Variants in EBF1 observed in about 807,000 individuals in gnomAD.
The protein encoded by EBF1 is transcription factor COE1.
EBF1 carries 10 observed loss-of-function variants against 68.4 expected under a neutral mutation model. The observed-to-expected ratio is 0.15, with a 90% CI of 0.09 to 0.25. The LOEUF (loss-of-function observed/expected upper bound fraction) is 0.25. Ranked by LOEUF, EBF1 falls within the 10% of genes least tolerant of loss-of-function variation. EBF1 has a pLI of 1.00. For missense variants in EBF1, 509 were observed against 794.4 expected, an observed-to-expected ratio of 0.64 and a Z score of 4.32; for synonymous variants, 298 against 299.8, an observed-to-expected ratio of 0.99 and a Z score of 0.06.
rs191149176 is a variant in EBF1, at chr5:158,947,028, C to A, written c.555-106918G>T. The stretch of plus-strand genomic sequence containing the variant: ...ACTCAAGCCTCTGTAATGGCAAATG[C>A]CCCTCCCCCCACCAACCTCAAGCAT... On this transcript the variant is annotated intron_variant, in intron 6 of 15. Transcript: ENST00000313708. Among the ~76,000 whole-genome samples, 49 of 152,280 alleles carry A rather than the reference C, an allele frequency of 3.2e-4. 1 individual carries two copies. The East Asian group carries it at 7.5e-3, about 23-fold the overall frequency.
chr5:158,874,630 G>GT (rs1036209449), intron 6 of EBF1, among the ~76,000 whole-genome samples: 4 of 151,942 alleles, frequency 2.6e-5, no homozygotes, highest in Non-Finnish European at 2.9e-5. Context: ...GTGTAGACAG[G>GT]TTTTTTTTAG....
chr5:158,903,572 ATTTC>A (rs1302724843), intron 6 of EBF1, among the ~76,000 whole-genome samples: 2 of 151,758 alleles, frequency 1.3e-5, no homozygotes, highest in Non-Finnish European at 2.9e-5. Flanking sequence ...TGGAAGGTAG[ATTTC>A]TTTATCTGCT....
At chr5:158,999,710 T>C (rs1762141077) in intron 6 of EBF1, among the ~76,000 whole-genome samples, 1 of 152,216 alleles carries the variant, frequency 6.6e-6, no homozygotes, top group Non-Finnish European at 1.5e-5. Context: ...TTTTTTTCTT[T>C]CTTCTTTGAA....
At chr5:158,701,326 G>T (rs1306271206) in intron 15 of EBF1, among the ~76,000 whole-genome samples, 1 of 150,460 alleles carries the variant, frequency 6.6e-6, no homozygotes, top group Non-Finnish European at 1.5e-5. Flanking sequence ...TTTATTAGCT[G>T]GTCTGTGAAA....
intron 6 of EBF1, among the ~76,000 whole-genome samples, chr5:158,850,766 G>T (rs1446492073): frequency 6.6e-6 from 1 of 152,142 alleles, no homozygotes; most frequent in Non-Finnish European, 1.5e-5. Flanking sequence ...CAGCACTTTG[G>T]GAGGCCGAGG....
chr5:158,900,570 T>C (rs1803095061), intron 6 of EBF1, among the ~76,000 whole-genome samples: 1 of 152,232 alleles, frequency 6.6e-6, no homozygotes, highest in Non-Finnish European at 1.5e-5. Flanking sequence ...TGTTTCCCAC[T>C]GACCCCTAAC....
chr5:158,960,813 G>A (rs1818029257), intron 6 of EBF1, among the ~76,000 whole-genome samples: 1 of 152,170 alleles, frequency 6.6e-6, no homozygotes, highest in Non-Finnish European at 1.5e-5. Flanking sequence ...ATGTCATCAG[G>A]ATACCCAATC....
intron 6 of EBF1, among the ~76,000 whole-genome samples, chr5:159,017,685 A>C (rs905924626): frequency 2.0e-5 from 3 of 152,188 alleles, no homozygotes; most frequent in African/African-American, 7.2e-5. Flanking sequence ...GTTACCATGA[A>C]CTCTGAATTT....
chr5:158,823,141 G>A, intron 8 of EBF1, 35 bp downstream of exon 8: 1 of 1,613,534 alleles, frequency 6.2e-7, no homozygotes, highest in African/African-American at 1.3e-5. Flanking sequence ...CACAGTTAAA[G>A]TAGCAATGCC....
rs1220217899 is a variant in EBF1 at position 158,899,793 on chromosome 5, T to G, written c.555-59683A>C. On this transcript the variant is annotated intron_variant, in intron 6 of 15. Coordinates refer to ENST00000313708, the MANE Select transcript of EBF1 (RefSeq NM_024007.5). The stretch of plus-strand genomic sequence containing the variant: ...GGAATATTCTAAAAGTTCTGGGTGG[T>G]CAGAGCCATGTGTTTTAGGATGGCC... 6.6e-5 allele frequency among the ~76,000 whole-genome samples: 10 copies of G among 152,188 alleles called. No individual in the cohort carries two copies. In the South Asian group the frequency reaches 8.3e-4, roughly 13 times the overall value.
intron 6 of EBF1, among the ~76,000 whole-genome samples, chr5:158,857,825 TTAGAG>T (rs1794322481): frequency 6.6e-6 from 1 of 152,220 alleles, no homozygotes; most frequent in South Asian, 2.1e-4. Flanking sequence ...CTCTCTAGAA[TTAGAG>T]TACTTTATTA....
chr5:159,053,550 T>C (rs1774188291), intron 6 of EBF1, among the ~76,000 whole-genome samples: 1 of 152,000 alleles, frequency 6.6e-6, no homozygotes. Context: ...GTTTTATTTA[T>C]TCTGTTGATC....
intron 6 of EBF1, among the ~76,000 whole-genome samples, chr5:159,070,548 G>A (rs1477722555): frequency 1.3e-5 from 2 of 152,146 alleles, no homozygotes; most frequent in African/African-American, 4.8e-5. Context: ...ATTGCACTAT[G>A]ACCAGAAAGT....
intron 6 of EBF1, among the ~76,000 whole-genome samples, chr5:158,993,373 TTGAG>T (rs1414383312): frequency 6.6e-6 from 1 of 152,038 alleles, no homozygotes; most frequent in African/African-American, 2.4e-5. Context: ...TTGTTAGGGA[TTGAG>T]TGTGACCTAC....
chr5:159,077,222 G>A (rs1317008884), intron 5 of EBF1, among the ~76,000 whole-genome samples: 2 of 152,194 alleles, frequency 1.3e-5, no homozygotes, highest in Non-Finnish European at 2.9e-5. Context: ...ATCACCTGAG[G>A]TCAGGAGTTC....
intron 8 of EBF1, among the ~76,000 whole-genome samples, chr5:158,818,968 A>G (rs1158655731): frequency 1.3e-5 from 2 of 151,576 alleles, no homozygotes; most frequent in Admixed American, 6.6e-5. Flanking sequence ...AGAATACCCT[A>G]CTGGGGACTT....
intron 11 of EBF1, among the ~76,000 whole-genome samples, chr5:158,721,539 G>A (rs2127518122): frequency 6.6e-6 from 1 of 152,322 alleles, no homozygotes. Context: ...AGAGTGTTAT[G>A]AAATAAATGA....
intron 10 of EBF1, among the ~76,000 whole-genome samples, chr5:158,739,798 G>C (rs1317881451): frequency 1.3e-5 from 2 of 152,066 alleles, no homozygotes; most frequent in African/African-American, 4.8e-5. Context: ...TGTTATCAAG[G>C]GGGTAAAATC....
At position 159,087,098 on chromosome 5, in the gene EBF1, G is replaced by C. The variant is rs569936460; in HGVS notation, c.412-2359C>G. On this transcript the variant is annotated intron_variant, in intron 4 of 15. Coordinates refer to ENST00000313708, the MANE Select transcript of EBF1 (RefSeq NM_024007.5). ...AAATCCTATTAGTACTACATGGTTT[G>C]TATGTTCTCTAAATACTCGTAATAA... is the stretch of plus-strand genomic sequence containing the variant. Among the ~76,000 whole-genome samples the C allele has an allele frequency of 4.0e-5, 6 of 151,846 alleles. No homozygotes were observed. In the South Asian group the frequency reaches 1.2e-3, roughly 32 times the overall value.
Sources: allele counts gnomAD v4.1 joint callset (sites outside exome capture counted in the v4.1 genomes callset), GRCh38; gene constraint gnomAD v4.1.1; transcripts MANE v1.5; gene names NCBI Gene and HGNC (gene_info 2026-07-23, HGNC 2026-07-21).